The following ORC5 variants were observed in gnomAD, a reference collection of about 807,000 sequenced individuals.
The protein encoded by ORC5 is protein phosphatase 1, regulatory subunit 117.
Under a neutral mutation model 58.8 loss-of-function variants are expected in ORC5, and 39 were observed. The observed-to-expected ratio is 0.66, with a 90% CI of 0.51 to 0.87. ORC5 has a LOEUF of 0.87. Among genes scored for constraint, ORC5 ranks in the 40% least tolerant of loss-of-function variants. The pLI, the probability that ORC5 is intolerant of heterozygous loss-of-function variation, is 0.00. For missense variants in ORC5, 493 were observed against 506.3 expected, an observed-to-expected ratio of 0.97 and a Z score of 0.25; for synonymous variants, 218 against 177.6, an observed-to-expected ratio of 1.23 and a Z score of -1.81.
At chr7:104,179,348 T>C (rs1359640802) in intron 8 of ORC5, among the ~76,000 whole-genome samples, 1 of 152,166 alleles carries the variant, frequency 6.6e-6, no homozygotes, top group Non-Finnish European at 1.5e-5. Flanking sequence ...GATCTAAGCA[T>C]GTCATGGATG....
chr7:104,151,018 G>T (rs188822969), intron 12 of ORC5, among the ~76,000 whole-genome samples: 2 of 152,150 alleles, frequency 1.3e-5, no homozygotes, highest in Non-Finnish European at 2.9e-5. Context: ...CTCGATAGTT[G>T]TAAGGGGAAA....
chr7:104,149,230 G>A (rs1349297279), intron 12 of ORC5, among the ~76,000 whole-genome samples: 1 of 151,988 alleles, frequency 6.6e-6, no homozygotes, highest in African/African-American at 2.4e-5. Flanking sequence ...TAATGAAAAG[G>A]TCTTTTTCTG....
rs564507179 is a variant in ORC5, at chr7:104,173,659, T to C, written c.825-5134A>G. Among the ~76,000 whole-genome samples the C allele has an allele frequency of 1.2e-4, 18 of 152,292 alleles. No individual in the cohort carries two copies. In the South Asian group the frequency reaches 3.3e-3, roughly 28 times the overall value. ...GGGCCTTGCAATCCTCTTGGGATAA[T>C]AACAACTTTTTGCCTTTTCTGGCAA... On this transcript the variant is annotated intron_variant, in intron 8 of 13. Coordinates refer to ENST00000297431, the MANE Select transcript of ORC5 (RefSeq NM_002553.4).
rs759468600 is a variant in ORC5 at position 104,136,768 on chromosome 7, C to G, written c.1262+13G>C. On this transcript the variant is annotated intron_variant, in intron 13 of 13. Transcript: ENST00000297431. This position sits in a 1 kb window ranked among gnomAD's most constrained non-coding sequence, Gnocchi z 4.2. ...ATATTTAGTATATCATTACATAATT[C>G]AAGACATTTTACCTTGCAATAGCTC... 6.6e-7 allele frequency: 1 copy of G among 1,515,768 alleles called. No individual in the cohort carries two copies. Among genetic ancestry groups the G allele is most frequent in the Non-Finnish European group, 9.2e-7 (1 of 1,091,184 alleles). The allele number at this position is 1,515,768 out of a possible 1,614,324, so 93.9% of individuals were successfully genotyped here.
chr7:104,201,006 A>T, intron 2 of ORC5, 48 bp from the exon 3 acceptor site: 1 of 1,467,722 alleles, frequency 6.8e-7, no homozygotes, highest in Non-Finnish European at 9.4e-7. Flanking sequence ...AAACACACAA[A>T]CACAATAATG....
intron 1 of ORC5, among the ~76,000 whole-genome samples, chr7:104,204,597 A>G (rs1018749914): frequency 6.6e-6 from 1 of 152,048 alleles, no homozygotes; most frequent in African/African-American, 2.4e-5. Flanking sequence ...CTCCTTCTTA[A>G]AGACTCTTAT....
Position 104,166,864 on chromosome 7 carries a change from C to T in ORC5, c.898G>A (p.Val300Met). The T allele has an allele frequency of 6.2e-7, 1 of 1,606,470 alleles. No homozygotes were observed. Among genetic ancestry groups the T allele is most frequent in the Non-Finnish European group, 8.5e-7 (1 of 1,173,446 alleles). ...AACTTAGAGTAATATGGAAGTTCCA[C>T]ATGAGTATGCGCTGAGAGGCCTATA... ...QLKGLSAHTH[V>M]ELPYYSKFIL... Residue 300 changes from valine (V) to methionine (M), a missense_variant, in exon 10 of 14, where the codon GTG becomes ATG. Physicochemically the swap from Val to Met is conservative, Grantham distance 21 (BLOSUM62 1). Transcript: ENST00000297431.
chr7:104,183,281 T>C (rs1799473736), intron 8 of ORC5, among the ~76,000 whole-genome samples: 1 of 152,172 alleles, frequency 6.6e-6, no homozygotes, highest in Non-Finnish European at 1.5e-5. Context: ...CAAACCTCCC[T>C]TGTGGCTAAA....
intron 11 of ORC5, among the ~76,000 whole-genome samples, 167 bp downstream of exon 11, chr7:104,165,068 T>C (rs11979993): frequency 0.056 from 8,597 of 152,212 alleles, 804 homozygotes; most frequent in African/African-American, 0.2. Context: ...TAAATGTGCA[T>C]TCAATCACTA....
At chr7:104,169,489 C>T (rs1475686886) in intron 8 of ORC5, among the ~76,000 whole-genome samples, 1 of 151,600 alleles carries the variant, frequency 6.6e-6, no homozygotes, top group Non-Finnish European at 1.5e-5. Context: ...AGCTGCATGA[C>T]TTCGAAAAAA....
intron 8 of ORC5, among the ~76,000 whole-genome samples, chr7:104,173,697 A>T (rs1232495138): frequency 6.6e-6 from 1 of 152,146 alleles, no homozygotes; most frequent in Non-Finnish European, 1.5e-5. Context: ...CCTTTCTGGT[A>T]AGGACAAGTG....
intron 12 of ORC5, 60 bp downstream of exon 12, chr7:104,161,012 G>T: frequency 1.1e-6 from 1 of 907,826 alleles, no homozygotes; most frequent in South Asian, 1.4e-5. Context: ...GAATTCTATT[G>T]ACTCTACTAT....
At chr7:104,167,755 T>C (rs1163366617) in intron 9 of ORC5, among the ~76,000 whole-genome samples, 2 of 152,130 alleles carry the variant, frequency 1.3e-5, no homozygotes, top group Non-Finnish European at 2.9e-5. Flanking sequence ...ATCTCACAAG[T>C]GAAAAATTGA....
intron 11 of ORC5, among the ~76,000 whole-genome samples, chr7:104,162,082 T>C (rs1286630241): frequency 6.6e-6 from 1 of 152,246 alleles, no homozygotes; most frequent in Non-Finnish European, 1.5e-5. Context: ...TTCACACTTG[T>C]ATACAAACTC....
intron 8 of ORC5, among the ~76,000 whole-genome samples, chr7:104,171,847 C>G (rs1799217109): frequency 2.0e-5 from 3 of 151,908 alleles, no homozygotes; most frequent in Admixed American, 2.0e-4. Flanking sequence ...ACAATGGGAC[C>G]CTGTCTCAAA....
chr7:104,168,517 C>A lies in ORC5; in HGVS notation c.833G>T (p.Trp278Leu). The A allele has an allele frequency of 6.4e-7, 1 of 1,557,634 alleles. No individual in the cohort carries two copies. Among genetic ancestry groups the A allele is most frequent in the Non-Finnish European group, 8.7e-7 (1 of 1,154,640 alleles). The change falls in exon 9 of 14, where the codon TGG becomes TTG. Residue 278 changes from tryptophan (W) to leucine (L), a missense_variant. Trp to Leu is a moderately conservative substitution (Grantham distance 61, BLOSUM62 -2). This residue lies in a region of ORC5 where 412 missense variants were observed against 403.7 expected (regional missense o/e 1.02). Transcript: ENST00000297431. Reference protein sequence around the residue: ...VYLREISSSQWEKLQKDDTDP... With the variant: ...VYLREISSSQLEKLQKDDTDP... ...TGTGTCATCTTTCTGTAGCTTTTCC[C>A]ACTGGGAACTGAAAAAAAATAGAAG...
chr7:104,204,491 G>C (rs565096989), intron 1 of ORC5, among the ~76,000 whole-genome samples: 8 of 151,918 alleles, frequency 5.3e-5, no homozygotes, highest in Admixed American at 1.3e-4. Context: ...TTTTATTATC[G>C]TACAGGTTTA....
rs942181681 is a variant in ORC5 at position 104,129,200 on chromosome 7, ATC to A, written c.1263-2309_1263-2308del. Among the ~76,000 whole-genome samples the A allele has an allele frequency of 1.3e-5, 2 of 152,190 alleles. No homozygotes were observed. Among genetic ancestry groups the A allele is most frequent in the African/African-American group, 4.8e-5 (2 of 41,448 alleles). ...GTAGGACTTCTCTATTTTTTGAGAA[ATC>A]TGTTTGTTACTATAGCATTAGAATA... On this transcript the variant is annotated intron_variant, in intron 13 of 13. Coordinates refer to ENST00000297431, the MANE Select transcript of ORC5 (RefSeq NM_002553.4). The surrounding 1 kb of genome is among the most constrained non-coding windows in gnomAD (Gnocchi z 4.9).
chr7:104,184,318 T>C (rs981705342), intron 6 of ORC5, 147 bp from the exon 7 acceptor site: 3 of 610,992 alleles, frequency 4.9e-6, no homozygotes, highest in Admixed American at 3.2e-5. Flanking sequence ...CGCAGTGGCA[T>C]GTGCCTGTAA....
Sources: allele counts gnomAD v4.1 joint callset (sites outside exome capture counted in the v4.1 genomes callset), GRCh38; gene constraint gnomAD v4.1.1; regional missense constraint gnomAD v4.1.1; non-coding constraint Gnocchi (gnomAD v3.1); transcripts MANE v1.5; gene names NCBI Gene and HGNC (gene_info 2026-07-23, HGNC 2026-07-21).